The following SEMA6D variants were observed in gnomAD, a reference collection of about 807,000 sequenced individuals.
The protein encoded by SEMA6D is semaphorin 6D, also known as semaphorin-6D.
SEMA6D carries 35 observed loss-of-function variants against 106.6 expected under a neutral mutation model. The observed-to-expected ratio is 0.33, with a 90% CI of 0.25 to 0.44. SEMA6D has a LOEUF of 0.44. SEMA6D is among the 20% of genes least tolerant of loss of function. SEMA6D has a pLI of 1.00. For missense variants in SEMA6D, 1,185 were observed against 1,345.9 expected (o/e 0.88, Z 1.87); for synonymous variants, 499 against 487.7 (o/e 1.02, Z -0.31).
At chr15:47,504,905 C>T (rs936108022) in intron 3 of SEMA6D, among the ~76,000 whole-genome samples, 6 of 152,062 alleles carry the variant, frequency 3.9e-5, no homozygotes, top group Non-Finnish European at 8.8e-5. Flanking sequence ...GTGGAAATTC[C>T]CTTCCTTCCT....
intron 1 of SEMA6D, among the ~76,000 whole-genome samples, chr15:47,297,858 A>G (rs1355270055): frequency 6.6e-6 from 1 of 152,120 alleles, no homozygotes; most frequent in Non-Finnish European, 1.5e-5. Context: ...AGTTTCATGC[A>G]GAGAGGAAAG....
At chr15:47,633,228 T>C (rs2077323523) in intron 4 of SEMA6D, among the ~76,000 whole-genome samples, 2 of 152,124 alleles carry the variant, frequency 1.3e-5, no homozygotes, top group Admixed American at 1.3e-4. Context: ...TATTCTATCA[T>C]TTTTGAGTTT....
intron 1 of SEMA6D, among the ~76,000 whole-genome samples, chr15:47,221,504 A>G (rs72731755): frequency 9.8e-5 from 15 of 152,334 alleles, no homozygotes; most frequent in Middle Eastern, 3.4e-3. Flanking sequence ...AAGGACCCCA[A>G]TGACATCTGT....
intron 1 of SEMA6D, among the ~76,000 whole-genome samples, chr15:47,268,830 T>C (rs922493195): frequency 1.3e-5 from 2 of 152,180 alleles, no homozygotes; most frequent in African/African-American, 2.4e-5. Flanking sequence ...TTTTCCGCTT[T>C]GAGTAATTAT....
intron 4 of SEMA6D, among the ~76,000 whole-genome samples, chr15:47,709,830 G>T (rs2078980527): frequency 6.6e-6 from 1 of 151,684 alleles, no homozygotes; most frequent in Non-Finnish European, 1.5e-5. Context: ...ACCAAAAATA[G>T]GTTACTTATT....
intron 2 of SEMA6D, among the ~76,000 whole-genome samples, chr15:47,443,598 C>G (rs1030829714): frequency 2.6e-5 from 4 of 152,114 alleles, no homozygotes; most frequent in African/African-American, 9.7e-5. Flanking sequence ...TCTTAAATCT[C>G]TAATTCTTAC....
rs144270010 is a variant in SEMA6D, at chr15:47,768,613, A to G, written c.1798A>G (p.Met600Val). The change falls in exon 18 of 19, where the codon ATG becomes GTG. Residue 600 changes from methionine (M) to valine (V), a missense_variant. By Grantham distance (21) the Met-to-Val change is conservative. Transcript: ENST00000536845. ...MEVSSSSVTT[M>V]ASIPEITPKV... ...GGTATCTTCATCTTCTGTTACCACAATGGCAAGTATCCCAGAAATCACACC... is the reference window on the plus strand; with the variant it reads ...GGTATCTTCATCTTCTGTTACCACAGTGGCAAGTATCCCAGAAATCACACC... The G allele has an allele frequency of 6.2e-6, 10 of 1,612,990 alleles. No individual in the cohort carries two copies. The African/African-American group carries it at 1.1e-4, about 17-fold the overall frequency.
intron 3 of SEMA6D, among the ~76,000 whole-genome samples, chr15:47,568,549 A>G (rs1461719007): frequency 2.0e-5 from 3 of 152,320 alleles, no homozygotes; most frequent in African/African-American, 7.2e-5. Context: ...AGGAGAGAGG[A>G]AAGCATAACA....
intron 3 of SEMA6D, among the ~76,000 whole-genome samples, chr15:47,552,877 TATAAATATATATAA>T (rs1438892582): frequency 6.4e-5 from 1 of 15,676 alleles, no homozygotes; most frequent in African/African-American, 2.7e-4. Flanking sequence ...TTTATATATA[TATAAATATATATAA>T]ATATATATAT....
At chr15:47,472,647 A>C (rs1455355777) in intron 3 of SEMA6D, among the ~76,000 whole-genome samples, 1 of 152,172 alleles carries the variant, frequency 6.6e-6, no homozygotes, top group African/African-American at 2.4e-5. Flanking sequence ...AGAAGAAATC[A>C]ATAACATATT....
At position 47,763,875 on chromosome 15, in the gene SEMA6D, T is replaced by C. The variant is rs879408296; in HGVS notation, c.773T>C (p.Ile258Thr). The C allele has an allele frequency of 1.4e-5, 22 of 1,613,424 alleles. No individual in the cohort carries two copies. Among genetic ancestry groups the C allele is most frequent in the Non-Finnish European group, 1.8e-5 (21 of 1,179,870 alleles). Residue 258 changes from isoleucine to threonine, a missense_variant, in exon 10 of 19, where the codon ATA (isoleucine) becomes ACA (threonine). This residue lies in a region of SEMA6D where 291 missense variants were observed against 423.8 expected (regional missense o/e 0.69). Coordinates refer to ENST00000536845, the MANE Select transcript of SEMA6D (RefSeq NM_001358351.3). ...GKAVYSRVAR[I>T]CKNDMGGSQR... ...GCTGTGTATTCCCGCGTGGCCCGCA[T>C]ATGTAAAAACGACATGGGTGGTTCC...
At chr15:47,350,503 A>G (rs1313553077) in intron 1 of SEMA6D, among the ~76,000 whole-genome samples, 1 of 152,124 alleles carries the variant, frequency 6.6e-6, no homozygotes, top group Non-Finnish European at 1.5e-5. Flanking sequence ...CAAACCACAG[A>G]CGCTTCAGTC....
Position 47,286,753 on chromosome 15 carries a change from C to T in SEMA6D, c.-239+102335C>T, listed in dbSNP as rs528715965. Among the ~76,000 whole-genome samples, 148 of 152,236 alleles carry T rather than the reference C, an allele frequency of 9.7e-4. 1 individual carries two copies. The highest frequency in any genetic ancestry group is 1.7e-3 in the South Asian group (8 of 4,818). ...AGGTTCTAATCTCTCACTTTGAAAA[C>T]TTCTGGTTTCTTAGGGAATATCCTC... On this transcript the variant is annotated intron_variant, in intron 1 of 19. Coordinates refer to the SEMA6D transcript ENST00000558014.
intron 1 of SEMA6D, among the ~76,000 whole-genome samples, chr15:47,258,604 G>A (rs2033923222): frequency 6.6e-6 from 1 of 152,032 alleles, no homozygotes; most frequent in African/African-American, 2.4e-5. Flanking sequence ...AAGACTTATA[G>A]TAGTATTATC....
At chr15:47,763,758 G>A (rs2082188723) in intron 9 of SEMA6D, 92 bp from the exon 10 acceptor site, 2 of 1,090,544 alleles carry the variant, frequency 1.8e-6, no homozygotes, top group Admixed American at 3.5e-5. Context: ...TGTATCTTTA[G>A]TATTTTTTGT....
Position 47,316,102 on chromosome 15 carries a change from C to CTTTTTTTT in SEMA6D, c.-238-96290_-238-96283dup, listed in dbSNP as rs67090828. ...TCCCAATCAGTATGCCATTTATTTC[C>CTTTTTTTT]TTTTTTTTGAGACAGAATCTTGTTC... is the stretch of plus-strand genomic sequence containing the variant. On this transcript the variant is annotated intron_variant, in intron 1 of 19. Coordinates refer to the SEMA6D transcript ENST00000558014. 6.6e-4 allele frequency among the ~76,000 whole-genome samples: 54 copies of CTTTTTTTT among 81,460 alleles called. 10 individuals are homozygous for CTTTTTTTT. Among genetic ancestry groups the CTTTTTTTT allele is most frequent in the South Asian group, 2.6e-3 (5 of 1,898 alleles). 53.4% of individuals were successfully genotyped at this position (81,460 alleles called of 152,430 possible).
chr15:47,767,171 CT>C, intron 17 of SEMA6D, 78 bp downstream of exon 17: 2 of 929,994 alleles, frequency 2.2e-6, no homozygotes, highest in African/African-American at 1.7e-5. Flanking sequence ...TTCTCCCCTC[CT>C]TTTGCGCAGT....
intron 4 of SEMA6D, among the ~76,000 whole-genome samples, chr15:47,645,597 C>A: frequency 6.6e-6 from 1 of 151,946 alleles, no homozygotes; most frequent in South Asian, 2.1e-4. Flanking sequence ...ACACACCAAG[C>A]AGTACCTCAG....
chr15:47,736,401 G>A (rs1250893312), intron 1 of SEMA6D, among the ~76,000 whole-genome samples: 4 of 152,154 alleles, frequency 2.6e-5, no homozygotes, highest in African/African-American at 9.7e-5. Context: ...AATGCTCAAT[G>A]TGACCAAATT....
Sources: gnomAD v4.1 joint callset for allele counts (sites outside exome capture counted in the v4.1 genomes callset) on GRCh38, gnomAD v4.1.1 for gene constraint, gnomAD v4.1.1 regional missense constraint, MANE v1.5 for transcripts, NCBI Gene and HGNC (gene_info 2026-07-23, HGNC 2026-07-21) for gene names.